Variants in EMC10 observed in about 807,000 individuals in gnomAD.
EMC10 encodes UPF0510 protein INM02.
Under a neutral mutation model 32.2 loss-of-function variants are expected in EMC10, and 40 were observed. That is an observed-to-expected ratio of 1.24 (90% confidence interval 0.96 to 1.61). EMC10 has a LOEUF of 1.61. Ranked by LOEUF, EMC10 falls within the 40% of genes most tolerant of loss-of-function variation. The pLI is 0.00. For missense variants in EMC10, 402 were observed against 357.7 expected (o/e 1.12, Z -1.00); for synonymous variants, 178 against 158.4 (o/e 1.12, Z -0.93).
rs1168153140 is a variant in EMC10 at position 50,480,279 on chromosome 19, G to C, written c.402+64G>C. 1.1e-5 allele frequency: 17 copies of C among 1,480,868 alleles called. No homozygotes were observed. Among genetic ancestry groups the C allele is most frequent in the Non-Finnish European group, 1.3e-5 (14 of 1,075,674 alleles). The allele number at this position is 1,480,868 out of a possible 1,614,324, so 91.7% of individuals were successfully genotyped here. On this transcript the variant is annotated intron_variant, in intron 4 of 6. Coordinates refer to ENST00000334976, the MANE Select transcript of EMC10 (RefSeq NM_206538.4). The surrounding 1 kb of genome is among the most constrained non-coding windows in gnomAD (Gnocchi z 4.4). Reference sequence around the variant, plus strand: ...CCTCCTCATCCCCTACCCTGGTCCTGCTTCCACCATTCGAACCCCTGTGTT... The same window carrying C: ...CCTCCTCATCCCCTACCCTGGTCCTCCTTCCACCATTCGAACCCCTGTGTT...
rs2040291787 is a variant in EMC10, at chr19:50,480,046, G to A, written c.298-65G>A. The stretch of plus-strand genomic sequence containing the variant: ...GAGGGGCCTTCGCGGAGGCCTGGTG[G>A]GCATCACAGCCTGTCCAGGGCTGAC... On this transcript the variant is annotated intron_variant, in intron 3 of 6. Coordinates refer to ENST00000334976, the MANE Select transcript of EMC10 (RefSeq NM_206538.4). The surrounding 1 kb of genome is among the most constrained non-coding windows in gnomAD (Gnocchi z 4.4). 1.5e-6 allele frequency: 2 copies of A among 1,335,924 alleles called. No homozygotes were observed. The highest frequency in any genetic ancestry group is 1.0e-6 in the Non-Finnish European group (1 of 964,392). The allele number at this position is 1,335,924 out of a possible 1,614,324, so 82.8% of individuals were successfully genotyped here.
chr19:50,480,555 C>T lies in EMC10; in HGVS notation c.403-26C>T, dbSNP rs1258872887. ...GGAGCCCAGGCAGCAGGCTCCCCAC[C>T]TCCACTGACCCCACTCCCCCCACAG... On this transcript the variant is annotated intron_variant, in intron 4 of 6. Coordinates refer to ENST00000334976, the MANE Select transcript of EMC10 (RefSeq NM_206538.4). This position sits in a 1 kb window ranked among gnomAD's most constrained non-coding sequence, Gnocchi z 4.4. The T allele has an allele frequency of 1.9e-6, 3 of 1,548,258 alleles. No homozygotes were observed. The highest frequency in any genetic ancestry group is 4.9e-5 in the East Asian group (2 of 40,898).
chr19:50,481,230 C>A, intron 6 of EMC10: 1 of 456,692 alleles, frequency 2.2e-6, no homozygotes, highest in Non-Finnish European at 3.9e-6. Context: ...TAGGTTGGAG[C>A]CATGAGGCTG....
chr19:50,485,297 C>A lies in EMC10; in HGVS notation c.*3038C>A. ...GCCCCATCCCTTCACCCTGGAGGTT[C>A]CAGACAGCCCCTCTTCACCAGCGAT... On this transcript the variant is annotated 3_prime_UTR_variant, in exon 7 of 7. Coordinates refer to ENST00000334976, the MANE Select transcript of EMC10 (RefSeq NM_206538.4). 1 of 152,338 alleles carries A rather than the reference C, an allele frequency of 6.6e-6. No individual in the cohort carries two copies. Among genetic ancestry groups the A allele is most frequent in the Non-Finnish European group, 1.5e-5 (1 of 68,082 alleles). The allele number at this position is 152,338 out of a possible 1,614,324, so 9.4% of individuals were successfully genotyped here.
chr19:50,481,229 G>A, intron 6 of EMC10: 1 of 463,636 alleles, frequency 2.2e-6, no homozygotes, highest in Non-Finnish European at 3.8e-6. Flanking sequence ...CTAGGTTGGA[G>A]CCATGAGGCT....
At chr19:50,481,932 G>T in intron 6 of EMC10, 1 of 1,606,774 alleles carries the variant, frequency 6.2e-7, no homozygotes. Context: ...CCGCGCCACC[G>T]CCACAGGAGG....
In EMC10 at chr19:50,484,536, C is replaced by T. The variant is rs1026923252; in HGVS notation, c.*2277C>T. The stretch of plus-strand genomic sequence containing the variant: ...ACTCTGTTGGGTATTCCAGGAAATG[C>T]CTGAGCTCCTTCAGGCTCCCCTAGC... On this transcript the variant is annotated 3_prime_UTR_variant, in exon 7 of 7. Transcript: ENST00000334976. 16 of 152,176 alleles carry T rather than the reference C, an allele frequency of 1.1e-4. No individual in the cohort carries two copies. The highest frequency in any genetic ancestry group is 4.4e-5 in the Non-Finnish European group (3 of 68,056). 9.4% of individuals were successfully genotyped at this position (152,176 alleles called of 1,614,324 possible).
In EMC10 at chr19:50,482,842, T is replaced by G; in HGVS notation, c.*583T>G. ...GGGGGCTTCTGGGCCCGACGCCTAGTGCAGCCCCTGGGGTCGTGGTTTGAC... is the reference window on the plus strand; with the variant it reads ...GGGGGCTTCTGGGCCCGACGCCTAGGGCAGCCCCTGGGGTCGTGGTTTGAC... On this transcript the variant is annotated 3_prime_UTR_variant, in exon 7 of 7. Coordinates refer to ENST00000334976, the MANE Select transcript of EMC10 (RefSeq NM_206538.4). 1 of 537,066 alleles carries G rather than the reference T, an allele frequency of 1.9e-6. No homozygotes were observed. Among genetic ancestry groups the G allele is most frequent in the Non-Finnish European group, 3.3e-6 (1 of 305,388 alleles). 33.3% of individuals were successfully genotyped at this position (537,066 alleles called of 1,614,324 possible). A position where few individuals can be genotyped will look rare whatever the true frequency, so the allele number is the denominator to read the frequency against.
rs2040305854 is a variant in EMC10, at chr19:50,480,725, A to C, written c.547A>C (p.Thr183Pro). ...GGACGTGGACCTGGAGCTGTTCAAC[A>C]CCTCGGTGCAGCTGCAGCCGCCCAC... ...VEDVDLELFNTSVQLQPPTTA... is the reference protein window; with the variant it reads ...VEDVDLELFNPSVQLQPPTTA... The change falls in exon 5 of 7, where the codon ACC becomes CCC. Residue 183 changes from threonine (T) to proline (P), a missense_variant. Physicochemically the swap from Thr to Pro is conservative, Grantham distance 38 (BLOSUM62 -1). Coordinates refer to ENST00000334976, the MANE Select transcript of EMC10 (RefSeq NM_206538.4). This position sits in a 1 kb window ranked among gnomAD's most constrained non-coding sequence, Gnocchi z 4.4. The C allele has an allele frequency of 6.2e-7, 1 of 1,603,066 alleles. No homozygotes were observed. Among genetic ancestry groups the C allele is most frequent in the African/African-American group, 1.3e-5 (1 of 74,662 alleles).
intron 2 of EMC10, 131 bp from the exon 3 acceptor site, chr19:50,478,826 G>C (rs886712085): frequency 2.4e-5 from 16 of 659,798 alleles, no homozygotes; most frequent in Non-Finnish European, 4.3e-5. Context: ...CAAAATGGGG[G>C]CCCAGATGGG....
chr19:50,478,228 A>G (rs566226628), intron 2 of EMC10, among the ~76,000 whole-genome samples: 1 of 152,318 alleles, frequency 6.6e-6, no homozygotes, highest in East Asian at 1.9e-4. Flanking sequence ...CAGCAGTAAT[A>G]ATTTCAGAGC....
chr19:50,477,960 G>A lies in EMC10; in HGVS notation c.146G>A (p.Cys49Tyr). ...AGAEGREGEA[C>Y]GTVGLLLEHS... ...GCGGAAGGTCGAGAGGGCGAGGCCT[G>A]TGGCACGGTGGGGCTGCTGCTGGAG... Residue 49 changes from cysteine to tyrosine, a missense_variant, in exon 2 of 7, where the codon TGT becomes TAT. Coordinates refer to ENST00000334976, the MANE Select transcript of EMC10 (RefSeq NM_206538.4). The A allele has an allele frequency of 6.2e-7, 1 of 1,602,208 alleles. No individual in the cohort carries two copies. The highest frequency in any genetic ancestry group is 8.5e-7 in the Non-Finnish European group (1 of 1,176,352).
intron 3 of EMC10, among the ~76,000 whole-genome samples, chr19:50,479,627 G>A (rs903288201): frequency 1.6e-4 from 24 of 152,226 alleles, no homozygotes; most frequent in Admixed American, 1.6e-3. Flanking sequence ...CCACCCATCA[G>A]CCAGATGTAG....
At chr19:50,479,272 TC>T (rs753593812) in intron 3 of EMC10, among the ~76,000 whole-genome samples, 165 of 152,352 alleles carry the variant, frequency 1.1e-3, no homozygotes, top group Non-Finnish European at 1.7e-3. Flanking sequence ...AGGCATGGTG[TC>T]CTGCATCACG....
rs762338131 is a variant in EMC10 at position 50,482,538 on chromosome 19, G to A, written c.*279G>A. Reference sequence around the variant, plus strand: ...CCCCCCTGCCCATGGAGTAGAGCCCGAGATCCTGGCCACTATGCCAGTTCT... The same window carrying A: ...CCCCCCTGCCCATGGAGTAGAGCCCAAGATCCTGGCCACTATGCCAGTTCT... On this transcript the variant is annotated 3_prime_UTR_variant, in exon 7 of 7. Coordinates refer to ENST00000334976, the MANE Select transcript of EMC10 (RefSeq NM_206538.4). 1.8e-6 allele frequency: 1 copy of A among 553,296 alleles called. No individual in the cohort carries two copies. Among genetic ancestry groups the A allele is most frequent in the Non-Finnish European group, 3.2e-6 (1 of 314,688 alleles). 34.3% of individuals were successfully genotyped at this position (553,296 alleles called of 1,614,324 possible).
In EMC10 at chr19:50,487,780, AGAG is replaced by A. The variant is rs1008210075; in HGVS notation, c.*5525_*5527del. On this transcript the variant is annotated 3_prime_UTR_variant, in exon 7 of 7. Coordinates refer to ENST00000334976, the MANE Select transcript of EMC10 (RefSeq NM_206538.4). ...AGAGCTTGAAGGAGAGAGAGCCAGG[AGAG>A]GAGACAGGTCCAGAGAGGAGGGAAA... is the stretch of plus-strand genomic sequence containing the variant. 1.3e-5 allele frequency: 2 copies of A among 152,674 alleles called. No individual in the cohort carries two copies. Among genetic ancestry groups the A allele is most frequent in the African/African-American group, 4.8e-5 (2 of 41,370 alleles). The allele number at this position is 152,674 out of a possible 1,614,324, so 9.5% of individuals were successfully genotyped here.
intron 1 of EMC10, chr19:50,476,893 A>G (rs984581352): frequency 3.3e-5 from 13 of 394,606 alleles, no homozygotes; most frequent in Non-Finnish European, 5.9e-5. Context: ...TGGCTCGGGA[A>G]TATGTATGAG....
In EMC10 at chr19:50,480,067, C is replaced by G; in HGVS notation, c.298-44C>G. 1 of 1,513,720 alleles carries G rather than the reference C, an allele frequency of 6.6e-7. No homozygotes were observed. The highest frequency in any genetic ancestry group is 1.2e-5 in the South Asian group (1 of 82,682). 93.8% of individuals were successfully genotyped at this position (1,513,720 alleles called of 1,614,324 possible). ...GGTGGGCATCACAGCCTGTCCAGGG[C>G]TGACACCATCCTTCTGACCAGCACC... On this transcript the variant is annotated intron_variant, in intron 3 of 6. Coordinates refer to ENST00000334976, the MANE Select transcript of EMC10 (RefSeq NM_206538.4). This position sits in a 1 kb window ranked among gnomAD's most constrained non-coding sequence, Gnocchi z 4.4.
chr19:50,482,203 A>T lies in EMC10; in HGVS notation c.733A>T (p.Thr245Ser). 2.5e-6 allele frequency: 2 copies of T among 800,244 alleles called. No individual in the cohort carries two copies. The highest frequency in any genetic ancestry group is 3.0e-5 in the South Asian group (2 of 65,970). The allele number at this position is 800,244 out of a possible 1,614,324, so 49.6% of individuals were successfully genotyped here. Reference sequence around the variant, plus strand: ...CCTCATGATGTCAGGAGCGCCAGACACCGGGGGCCAGGGTGGGGGTGGGGG... The same window carrying T: ...CCTCATGATGTCAGGAGCGCCAGACTCCGGGGGCCAGGGTGGGGGTGGGGG... The part of the protein sequence containing the change: ...LFLMMSGAPD[T>S]GGQGGGGGGG... Residue 245 changes from threonine to serine, a missense_variant, in exon 7 of 7, where the codon ACC (threonine) becomes TCC (serine). By Grantham distance (58) the Thr-to-Ser change is moderately conservative. Transcript: ENST00000334976.
Sources: gnomAD v4.1 joint callset for allele counts (sites outside exome capture counted in the v4.1 genomes callset) on GRCh38, gnomAD v4.1.1 for gene constraint, Gnocchi (gnomAD v3.1) non-coding constraint, MANE v1.5 for transcripts, NCBI Gene and HGNC (gene_info 2026-07-23, HGNC 2026-07-21) for gene names.